GAB2: variants seen among roughly 807,000 people sequenced by gnomAD.
GAB2 encodes the protein GRB2 associated binding protein 2, also known as GRB2-associated-binding protein 2.
GAB2 carries 26 observed loss-of-function variants against 65.5 expected under a neutral mutation model. That is an observed-to-expected ratio of 0.40 (90% CI 0.29 to 0.55). The LOEUF is 0.55. Ranked by LOEUF, GAB2 falls within the 20% of genes least tolerant of loss-of-function variation. The pLI is 0.53. For synonymous variants in GAB2, 321 were observed against 329.6 expected, an observed-to-expected ratio of 0.97 and a Z score of 0.28; for missense variants, 884 against 875.8, an observed-to-expected ratio of 1.01 and a Z score of -0.12.
At chr11:78,303,737 T>C (rs1867095351) in intron 1 of GAB2, among the ~76,000 whole-genome samples, 1 of 152,202 alleles carries the variant, frequency 6.6e-6, no homozygotes. Flanking sequence ...TTTCACTGAA[T>C]CTATTGATCA....
chr11:78,306,614 G>C (rs180779032), intron 1 of GAB2, among the ~76,000 whole-genome samples: 2 of 152,278 alleles, frequency 1.3e-5, no homozygotes, highest in East Asian at 3.9e-4. Flanking sequence ...GATTTCATTT[G>C]GAAGCAATCC....
intron 2 of GAB2, among the ~76,000 whole-genome samples, chr11:78,278,383 GTTTT>G (rs1301149799): frequency 6.7e-6 from 1 of 148,488 alleles, no homozygotes. Context: ...TTTTTTTTTT[GTTTT>G]TTGTTTGTTT....
intron 1 of GAB2, among the ~76,000 whole-genome samples, chr11:78,411,831 A>C (rs1322942831): frequency 1.3e-5 from 2 of 152,128 alleles, no homozygotes; most frequent in African/African-American, 4.8e-5. Context: ...AGAGATTGAG[A>C]CCATCCTGGC....
At chr11:78,367,696 A>G (rs991685139) in intron 1 of GAB2, among the ~76,000 whole-genome samples, 2 of 152,192 alleles carry the variant, frequency 1.3e-5, no homozygotes, top group African/African-American at 4.8e-5. Flanking sequence ...AGTGTTATAA[A>G]CCAAGTGCTA....
At chr11:78,261,306 AC>A (rs1865725048) in intron 2 of GAB2, among the ~76,000 whole-genome samples, 1 of 152,020 alleles carries the variant, frequency 6.6e-6, no homozygotes, top group Non-Finnish European at 1.5e-5. Context: ...CAAAACAAAA[AC>A]CAGAACCAGA....
Position 78,295,212 on chromosome 11 carries a change from C to T in GAB2, c.76-14311G>A, listed in dbSNP as rs532866733. ...TACCATCTCACACCAGTTAGAATGG[C>T]GAAATGTGAGTCTTAACCTGAGGCT... On this transcript the variant is annotated intron_variant, in intron 1 of 9. Coordinates refer to ENST00000361507, the MANE Select transcript of GAB2 (RefSeq NM_080491.3). Among the ~76,000 whole-genome samples, 5 of 152,222 alleles carry T rather than the reference C, an allele frequency of 3.3e-5. No individual in the cohort carries two copies. The East Asian group carries it at 9.6e-4, about 29-fold the overall frequency.
At chr11:78,325,847 A>C (rs998619439) in intron 1 of GAB2, among the ~76,000 whole-genome samples, 1 of 152,158 alleles carries the variant, frequency 6.6e-6, no homozygotes, top group African/African-American at 2.4e-5. Context: ...AAGAAAATTC[A>C]CCAGAGTCTA....
chr11:78,320,865 C>G (rs1429616897), intron 1 of GAB2, among the ~76,000 whole-genome samples: 1 of 151,890 alleles, frequency 6.6e-6, no homozygotes, highest in Non-Finnish European at 1.5e-5. Context: ...GCCACTGTGC[C>G]CAGTCTCAAC....
At chr11:78,281,465 G>C (rs546913366) in intron 1 of GAB2, among the ~76,000 whole-genome samples, 1 of 152,042 alleles carries the variant, frequency 6.6e-6, no homozygotes, top group Admixed American at 6.6e-5. Context: ...GGCGGGTCTC[G>C]AACTCCCAAC....
intron 2 of GAB2, among the ~76,000 whole-genome samples, chr11:78,253,966 C>T (rs1865527999): frequency 6.6e-6 from 1 of 152,178 alleles, no homozygotes; most frequent in Non-Finnish European, 1.5e-5. Context: ...TTCATGCCCC[C>T]TATGTTGAAT....
chr11:78,313,358 T>C (rs566698643), intron 1 of GAB2, among the ~76,000 whole-genome samples: 1 of 152,310 alleles, frequency 6.6e-6, no homozygotes, highest in South Asian at 2.1e-4. Flanking sequence ...AAGCACCTCA[T>C]ATGATGCCTG....
chr11:78,403,593 G>A (rs1029311085), intron 1 of GAB2, among the ~76,000 whole-genome samples: 1 of 152,110 alleles, frequency 6.6e-6, no homozygotes, highest in African/African-American at 2.4e-5. Flanking sequence ...AAATCAAAAT[G>A]GATTAAGGAC....
rs139891556 is a variant in GAB2 at position 78,308,411 on chromosome 11, G to A, written c.76-27510C>T. Among the ~76,000 whole-genome samples, 5 of 152,240 alleles carry A rather than the reference G, an allele frequency of 3.3e-5. No homozygotes were observed. In the East Asian group the frequency reaches 9.7e-4, roughly 29 times the overall value. On this transcript the variant is annotated intron_variant, in intron 1 of 9. Coordinates refer to ENST00000361507, the MANE Select transcript of GAB2 (RefSeq NM_080491.3). The stretch of plus-strand genomic sequence containing the variant: ...TTGATGTGATTATGGGAAAGGATGT[G>A]GGGAGAGAGGTCACTGCAAATGAAG...
chr11:78,280,869 A>C lies in GAB2; in HGVS notation c.108T>G (p.Ser36Arg), dbSNP rs1239867654. Residue 36 changes from serine (S) to arginine (R), a missense_variant, in exon 2 of 10, where the codon AGT (serine) becomes AGG (arginine). Coordinates refer to ENST00000361507, the MANE Select transcript of GAB2 (RefSeq NM_080491.3). ...CATCTGGGTCACCGCTCATCCGGCC[A>C]CTCCGCAGGATAAACCAGCGTTTCT... is the stretch of plus-strand genomic sequence containing the variant. ...AWKKRWFILR[S>R]GRMSGDPDVL... 10 of 1,613,824 alleles carry C rather than the reference A, an allele frequency of 6.2e-6. No homozygotes were observed. Among genetic ancestry groups the C allele is most frequent in the Non-Finnish European group, 8.5e-6 (10 of 1,179,912 alleles).
intron 2 of GAB2, among the ~76,000 whole-genome samples, chr11:78,267,424 CT>C (rs1378785268): frequency 4.6e-5 from 7 of 152,196 alleles, no homozygotes; most frequent in Admixed American, 4.6e-4. Context: ...AAAACACTGC[CT>C]CTTTGTTTAT....
intron 1 of GAB2, chr11:78,341,659 T>C: frequency 5.8e-6 from 3 of 519,618 alleles, no homozygotes; most frequent in Non-Finnish European, 7.4e-6. Context: ...TTACACCTAA[T>C]GTCACTCTTG....
At chr11:78,268,454 A>T (rs1316362392) in intron 2 of GAB2, among the ~76,000 whole-genome samples, 1 of 152,212 alleles carries the variant, frequency 6.6e-6, no homozygotes, top group Non-Finnish European at 1.5e-5. Context: ...CAAAGTTCTA[A>T]TTCTACCTCT....
chr11:78,394,412 C>G (rs1027835972), intron 1 of GAB2, among the ~76,000 whole-genome samples: 1 of 152,208 alleles, frequency 6.6e-6, no homozygotes, highest in Non-Finnish European at 1.5e-5. Flanking sequence ...GAGGGGAAAT[C>G]TTGGATTCCC....
At chr11:78,377,663 T>C (rs1284095379) in intron 1 of GAB2, among the ~76,000 whole-genome samples, 1 of 152,208 alleles carries the variant, frequency 6.6e-6, no homozygotes, top group Non-Finnish European at 1.5e-5. Flanking sequence ...GCTAGTTTCT[T>C]AACTTGAGCT....
Sources: allele counts gnomAD v4.1 joint callset (sites outside exome capture counted in the v4.1 genomes callset), GRCh38; gene constraint gnomAD v4.1.1; transcripts MANE v1.5; gene names NCBI Gene and HGNC (gene_info 2026-07-23, HGNC 2026-07-21).